The following GALNT13 variants were observed in gnomAD, a reference collection of about 807,000 sequenced individuals.
GALNT13 encodes UDP-GalNAc:polypeptide N-acetylgalactosaminyltransferase 13.
A neutral mutation model predicts 64.2 loss-of-function variants in GALNT13; 28 were observed. The ratio of observed to expected loss-of-function variants is 0.44; its 90% CI spans 0.32 to 0.60. GALNT13 has a LOEUF of 0.60. Ranked by LOEUF, GALNT13 falls within the 20% of genes least tolerant of loss-of-function variation. The pLI, the probability that GALNT13 is intolerant of heterozygous loss-of-function variation, is 0.05. For missense variants in GALNT13, 577 were observed against 669.8 expected, an observed-to-expected ratio of 0.86 and a Z score of 1.53; for synonymous variants, 214 against 224.6, an observed-to-expected ratio of 0.95 and a Z score of 0.42.
chr2:153,406,732 C>G, the GALNT13 span, among the ~76,000 whole-genome samples: 1 of 152,124 alleles, frequency 6.6e-6, no homozygotes, highest in Non-Finnish European at 1.5e-5. Context: ...GCATTTTAAA[C>G]AGCATTTACA....
chr2:154,211,716 A>C (rs1687786370), intron 4 of GALNT13, among the ~76,000 whole-genome samples: 1 of 151,612 alleles, frequency 6.6e-6, no homozygotes, highest in African/African-American at 2.4e-5. Context: ...ATCATATGAG[A>C]CCACTATCCT....
At chr2:153,630,524 G>A in the GALNT13 span, among the ~76,000 whole-genome samples, 2 of 145,282 alleles carry the variant, frequency 1.4e-5, no homozygotes, top group South Asian at 2.3e-4. Context: ...GGGAGGGATA[G>A]CATTGGGAGA....
At chr2:154,009,257 T>C (rs1696466106) in intron 3 of GALNT13, among the ~76,000 whole-genome samples, 1 of 151,818 alleles carries the variant, frequency 6.6e-6, no homozygotes, top group Non-Finnish European at 1.5e-5. Context: ...CATTGGTCTG[T>C]GTGTCTGTTT....
chr2:154,227,561 A>G (rs1178398043), intron 4 of GALNT13, among the ~76,000 whole-genome samples: 2 of 137,724 alleles, frequency 1.5e-5, no homozygotes, highest in Non-Finnish European at 3.0e-5. Context: ...ATTCCCACCT[A>G]TGAGTGAGAA....
chr2:154,073,246 A>G (rs1700828057), intron 3 of GALNT13, among the ~76,000 whole-genome samples: 1 of 152,036 alleles, frequency 6.6e-6, no homozygotes, highest in African/African-American at 2.4e-5. Context: ...GTTGCAAAAT[A>G]AAGTAGCTAG....
intron 9 of GALNT13, among the ~76,000 whole-genome samples, chr2:154,391,415 C>G (rs939364596): frequency 7.9e-5 from 12 of 152,086 alleles, no homozygotes; most frequent in African/African-American, 2.9e-4. Context: ...AAATATGGAC[C>G]CTAAGGCCCC....
chr2:153,366,726 C>A, the GALNT13 span, among the ~76,000 whole-genome samples: 15 of 81,956 alleles, frequency 1.8e-4, no homozygotes, highest in African/African-American at 7.0e-4. Flanking sequence ...CAGGGACACA[C>A]ACACACACAC....
intron 4 of GALNT13, among the ~76,000 whole-genome samples, chr2:154,157,920 C>A (rs956692546): frequency 2.6e-5 from 4 of 152,118 alleles, no homozygotes; most frequent in African/African-American, 4.8e-5. Context: ...ATAATTTTCT[C>A]CTACTTTTCT....
chr2:154,295,388 G>T (rs1315968093), intron 8 of GALNT13, among the ~76,000 whole-genome samples: 3 of 32,856 alleles, frequency 9.1e-5, no homozygotes, highest in Non-Finnish European at 8.4e-5. Context: ...TTTTGCGATG[G>T]AGTCTCTCTC....
chr2:153,683,456 A>C, the GALNT13 span, among the ~76,000 whole-genome samples: 1 of 151,564 alleles, frequency 6.6e-6, no homozygotes, highest in African/African-American at 2.4e-5. Flanking sequence ...CACTTTAAAA[A>C]TTTTATCTTG....
chr2:153,248,514 C>CG, the GALNT13 span, among the ~76,000 whole-genome samples: 1 of 151,404 alleles, frequency 6.6e-6, no homozygotes, highest in Non-Finnish European at 1.5e-5. Flanking sequence ...ATTCAACATC[C>CG]TTTATGTTAA....
the GALNT13 span, among the ~76,000 whole-genome samples, chr2:153,692,195 G>A: frequency 6.6e-6 from 1 of 152,100 alleles, no homozygotes; most frequent in South Asian, 2.1e-4. Flanking sequence ...TAGAAATGAG[G>A]CTAGGGTTCA....
the GALNT13 span, among the ~76,000 whole-genome samples, chr2:153,118,289 C>T: frequency 6.6e-6 from 1 of 152,192 alleles, no homozygotes; most frequent in Non-Finnish European, 1.5e-5. Flanking sequence ...CCCTTAATTT[C>T]TTGCAATGCA....
At chr2:153,933,347 G>T (rs572913125) in intron 2 of GALNT13, among the ~76,000 whole-genome samples, 1 of 152,070 alleles carries the variant, frequency 6.6e-6, no homozygotes, top group Admixed American at 6.5e-5. Flanking sequence ...GATCTTTGTT[G>T]CTTTAAAGTC....
intron 3 of GALNT13, among the ~76,000 whole-genome samples, chr2:153,965,882 A>G (rs908950652): frequency 6.6e-6 from 1 of 150,716 alleles, no homozygotes; most frequent in African/African-American, 2.4e-5. Flanking sequence ...CTCTACTTAT[A>G]TATTTTATAT....
the GALNT13 span, among the ~76,000 whole-genome samples, chr2:153,509,342 C>T: frequency 1.2e-3 from 182 of 152,336 alleles, no homozygotes; most frequent in African/African-American, 4.3e-3. Flanking sequence ...GTTTCTGGTT[C>T]CCACCAGTTC....
chr2:154,155,121 G>C (rs916078785), intron 4 of GALNT13, among the ~76,000 whole-genome samples: 4 of 151,944 alleles, frequency 2.6e-5, no homozygotes, highest in African/African-American at 9.7e-5. Context: ...GCTTATGAAA[G>C]CTATAGTAAT....
At chr2:154,445,945 T>C (rs1421560688) in intron 12 of GALNT13, 1 of 537,996 alleles carries the variant, frequency 1.9e-6, no homozygotes, top group Non-Finnish European at 3.2e-6. Context: ...ATTAAAATTG[T>C]TTGGAGAATT....
At chr2:153,265,125 G>A in the GALNT13 span, among the ~76,000 whole-genome samples, 1 of 152,118 alleles carries the variant, frequency 6.6e-6, no homozygotes, top group Non-Finnish European at 1.5e-5. Flanking sequence ...GCTGCAAGCT[G>A]TGCTGTTTGA....
Sources: gnomAD v4.1 joint callset for allele counts (sites outside exome capture counted in the v4.1 genomes callset) on GRCh38, gnomAD v4.1.1 for gene constraint, MANE v1.5 for transcripts, NCBI Gene and HGNC (gene_info 2026-07-23, HGNC 2026-07-21) for gene names.